Variants in QNG1 observed in about 807,000 individuals in gnomAD.
QNG1 encodes the protein queuosine 5'-phosphate N-glycosylase/hydrolase.
the QNG1 span, chr9:83,945,095 T>TA: frequency 1.1e-6 from 1 of 908,116 alleles, no homozygotes; most frequent in African/African-American, 1.7e-5. Context: ...AGAATAATCT[T>TA]ACTTTGTTGG....
At chr9:83,943,595 A>G in the QNG1 span, among the ~76,000 whole-genome samples, 1 of 152,214 alleles carries the variant, frequency 6.6e-6, no homozygotes, top group Non-Finnish European at 1.5e-5. Flanking sequence ...CAGATTGCCC[A>G]TGGCAGCATA....
At chr9:83,948,523 G>T in the QNG1 span, among the ~76,000 whole-genome samples, 2 of 143,448 alleles carry the variant, frequency 1.4e-5, no homozygotes, top group Non-Finnish European at 3.1e-5. Flanking sequence ...GGGGGGGGGC[G>T]CCTCTGCCTG....
the QNG1 span, among the ~76,000 whole-genome samples, chr9:83,951,253 C>T: frequency 6.6e-6 from 1 of 151,368 alleles, no homozygotes; most frequent in Admixed American, 6.6e-5. Flanking sequence ...AAGACTCCAT[C>T]TCAAAAAACA....
the QNG1 span, among the ~76,000 whole-genome samples, chr9:83,942,663 G>T: frequency 6.6e-6 from 1 of 152,312 alleles, no homozygotes; most frequent in South Asian, 2.1e-4. Flanking sequence ...TTTACAGTTT[G>T]TTTATTTTTG....
chr9:83,954,390 G>A, the QNG1 span, among the ~76,000 whole-genome samples: 2 of 152,020 alleles, frequency 1.3e-5, no homozygotes, highest in Non-Finnish European at 2.9e-5. Flanking sequence ...GAAAACATAA[G>A]AAATGAGATG....
At chr9:83,950,008 G>A in the QNG1 span, among the ~76,000 whole-genome samples, 1 of 149,362 alleles carries the variant, frequency 6.7e-6, no homozygotes, top group Non-Finnish European at 1.5e-5. Flanking sequence ...TTTAAGGGAG[G>A]AATCAAAAAT....
chr9:83,941,870 G>T, the QNG1 span, among the ~76,000 whole-genome samples: 1 of 151,656 alleles, frequency 6.6e-6, no homozygotes. Context: ...CTGAGATGGC[G>T]CCATTGCACT....
At chr9:83,953,796 T>G in the QNG1 span, 1 of 1,548,910 alleles carries the variant, frequency 6.5e-7, no homozygotes, top group Non-Finnish European at 8.7e-7. Flanking sequence ...AAAATCCGGG[T>G]GCAGCCTGTG....
At chr9:83,950,600 T>TC in the QNG1 span, among the ~76,000 whole-genome samples, 1 of 139,062 alleles carries the variant, frequency 7.2e-6, no homozygotes. Context: ...TCTTTTCTTT[T>TC]TTTTTTTTTT....
chr9:83,955,207 CAAACA>C, the QNG1 span, among the ~76,000 whole-genome samples: 1 of 152,172 alleles, frequency 6.6e-6, no homozygotes, highest in Non-Finnish European at 1.5e-5. Flanking sequence ...CTCAAACAAA[CAAACA>C]AAAGAAAACA....
the QNG1 span, chr9:83,953,719 G>A: frequency 2.1e-5 from 22 of 1,067,446 alleles, no homozygotes; most frequent in East Asian, 3.7e-4. Context: ...GTGCGGTGGC[G>A]TAATCTCGGC....
chr9:83,953,913 G>A, the QNG1 span: 3 of 1,044,036 alleles, frequency 2.9e-6, no homozygotes, highest in Non-Finnish European at 2.9e-6. Flanking sequence ...ACTTTTTTGA[G>A]ATAGAGTCTA....
At chr9:83,939,851 CTG>C in the QNG1 span, 9 of 723,176 alleles carry the variant, frequency 1.2e-5, no homozygotes, top group African/African-American at 1.6e-4. Context: ...CATTTTAAAA[CTG>C]TAAATCTCAG....
the QNG1 span, among the ~76,000 whole-genome samples, chr9:83,955,796 C>G: frequency 2.3e-3 from 345 of 152,276 alleles, 2 homozygotes; most frequent in African/African-American, 7.5e-3. Flanking sequence ...AACTCATTTT[C>G]TACTTGTTCA....
the QNG1 span, chr9:83,956,532 T>G: frequency 6.6e-7 from 1 of 1,504,528 alleles, no homozygotes; most frequent in Non-Finnish European, 8.9e-7. Flanking sequence ...GGCCAAACTC[T>G]TCCCGCCCTA....
the QNG1 span, chr9:83,956,768 C>T: frequency 7.9e-6 from 3 of 379,532 alleles, no homozygotes; most frequent in African/African-American, 2.1e-5. Flanking sequence ...TTCACGCCCT[C>T]TCGGGCGCGC....
At chr9:83,943,788 G>A in the QNG1 span, among the ~76,000 whole-genome samples, 2 of 152,158 alleles carry the variant, frequency 1.3e-5, no homozygotes, top group Non-Finnish European at 1.5e-5. Flanking sequence ...TTGGGAGGCC[G>A]AGGTGGGTGG....
chr9:83,951,518 G>A, the QNG1 span, among the ~76,000 whole-genome samples: 2 of 152,288 alleles, frequency 1.3e-5, no homozygotes, highest in African/African-American at 2.4e-5. Flanking sequence ...CCGAGATTGC[G>A]CCATTGCACT....
the QNG1 span, chr9:83,956,774 C>A: frequency 2.7e-6 from 1 of 373,310 alleles, no homozygotes; most frequent in Non-Finnish European, 4.8e-6. Context: ...CCCTCTCGGG[C>A]GCGCTCTCAG....
Sources: allele counts gnomAD v4.1 joint callset (sites outside exome capture counted in the v4.1 genomes callset), GRCh38; gene constraint gnomAD v4.1.1; transcripts MANE v1.5; gene names NCBI Gene and HGNC (gene_info 2026-07-23, HGNC 2026-07-21).